Variants in RYR3 observed in about 807,000 individuals in gnomAD.
RYR3 encodes the protein brain ryanodine receptor-calcium release channel.
RYR3 carries 207 observed loss-of-function variants against 584.3 expected under a neutral mutation model. The observed-to-expected ratio is 0.35, with a 90% CI of 0.32 to 0.40. RYR3 has a LOEUF of 0.40. Among genes scored for constraint, RYR3 ranks in the 10% least tolerant of loss-of-function variants. The pLI is 1.00. For synonymous variants in RYR3, 2,416 were observed against 2,248.5 expected (o/e 1.07, Z -2.11); for missense variants, 5,616 against 6,089.2 (o/e 0.92, Z 2.59).
intron 1 of RYR3, among the ~76,000 whole-genome samples, chr15:33,367,941 C>A (rs1008008065): frequency 2.0e-5 from 3 of 152,150 alleles, no homozygotes; most frequent in Non-Finnish European, 2.9e-5. Flanking sequence ...GAATAATCCT[C>A]TGCATTAATC....
chr15:33,388,621 G>C (rs76221551), intron 1 of RYR3, among the ~76,000 whole-genome samples: 1 of 152,098 alleles, frequency 6.6e-6, no homozygotes, highest in Non-Finnish European at 1.5e-5. Flanking sequence ...ATAAAATAAA[G>C]GAAATAGAGC....
intron 38 of RYR3, among the ~76,000 whole-genome samples, chr15:33,674,351 C>T (rs1451647192): frequency 2.0e-5 from 3 of 152,210 alleles, no homozygotes; most frequent in Non-Finnish European, 4.4e-5. Context: ...TAAACACACA[C>T]ACACACAAAC....
intron 1 of RYR3, among the ~76,000 whole-genome samples, chr15:33,411,176 A>C (rs1488659558): frequency 6.6e-6 from 1 of 152,048 alleles, no homozygotes; most frequent in African/African-American, 2.4e-5. Context: ...CCCTACCTGG[A>C]TTTGTCTTGC....
intron 2 of RYR3, among the ~76,000 whole-genome samples, chr15:33,474,904 A>G (rs1307951999): frequency 1.3e-5 from 2 of 152,226 alleles, no homozygotes; most frequent in Non-Finnish European, 2.9e-5. Context: ...CTGTGGATCC[A>G]TAAGGATAGA....
At chr15:33,317,260 T>G (rs1283276616) in intron 1 of RYR3, among the ~76,000 whole-genome samples, 1 of 152,062 alleles carries the variant, frequency 6.6e-6, no homozygotes, top group Admixed American at 6.5e-5. Context: ...CCAGAGCGGG[T>G]TTTTCTCCCA....
chr15:33,761,347 C>T (rs1275426450), intron 60 of RYR3, among the ~76,000 whole-genome samples: 2 of 151,680 alleles, frequency 1.3e-5, no homozygotes, highest in Non-Finnish European at 2.9e-5. Flanking sequence ...CAAAATAGAC[C>T]ACTAGCCAGA....
intron 61 of RYR3, 25 bp from the exon 62 acceptor site, chr15:33,769,087 T>G (rs2073358109): frequency 1.9e-6 from 3 of 1,588,374 alleles, no homozygotes; most frequent in Non-Finnish European, 2.6e-6. Flanking sequence ...TTTGAGGGAA[T>G]CACAGATGAT....
intron 20 of RYR3, among the ~76,000 whole-genome samples, chr15:33,626,439 A>G (rs1461727792): frequency 6.6e-6 from 1 of 152,218 alleles, no homozygotes; most frequent in Admixed American, 6.5e-5. Flanking sequence ...AGCAGAGCGT[A>G]AAAGTTTGAA....
intron 1 of RYR3, among the ~76,000 whole-genome samples, chr15:33,391,382 A>T (rs2596197): frequency 6.6e-6 from 1 of 151,926 alleles, no homozygotes; most frequent in Admixed American, 6.6e-5. Context: ...AATCCCAGCA[A>T]TTTGGGAGGC....
chr15:33,416,938 A>C (rs2043856662), intron 1 of RYR3, among the ~76,000 whole-genome samples: 1 of 152,172 alleles, frequency 6.6e-6, no homozygotes, highest in Non-Finnish European at 1.5e-5. Context: ...ACCATTTATT[A>C]AATAGGGTGT....
At chr15:33,566,884 G>A in intron 12 of RYR3, 85 bp downstream of exon 12, 1 of 1,438,284 alleles carries the variant, frequency 7.0e-7, no homozygotes, top group South Asian at 1.2e-5. Flanking sequence ...TTGATACTGT[G>A]AATGTTTTCA....
At chr15:33,690,455 C>T (rs1192022626) in intron 38 of RYR3, among the ~76,000 whole-genome samples, 6 of 152,224 alleles carry the variant, frequency 3.9e-5, no homozygotes, top group African/African-American at 1.4e-4. Flanking sequence ...AGGTGTCTTA[C>T]TCTTCTTATA....
intron 43 of RYR3, among the ~76,000 whole-genome samples, chr15:33,719,374 T>C (rs187576329): frequency 8.4e-4 from 128 of 152,360 alleles, no homozygotes; most frequent in African/African-American, 3.0e-3. Context: ...ATTGTGGTTT[T>C]ATATCCCACC....
intron 67 of RYR3, among the ~76,000 whole-genome samples, chr15:33,791,099 C>T (rs1392046787): frequency 2.4e-4 from 37 of 152,314 alleles, no homozygotes; most frequent in Non-Finnish European, 4.4e-5. Context: ...TCTGGCAATA[C>T]AGGCAACTTG....
chr15:33,702,230 A>G (rs1009988279), intron 42 of RYR3, among the ~76,000 whole-genome samples: 20 of 152,218 alleles, frequency 1.3e-4, no homozygotes, highest in African/African-American at 4.1e-4. Flanking sequence ...AGGTCACCGT[A>G]GAGCCAAGAG....
At chr15:33,391,518 C>A (rs1389053315) in intron 1 of RYR3, among the ~76,000 whole-genome samples, 1 of 151,322 alleles carries the variant, frequency 6.6e-6, no homozygotes, top group Non-Finnish European at 1.5e-5. Flanking sequence ...CCCAGCTGTT[C>A]AGGAGGCTGA....
At chr15:33,341,318 C>T (rs1971790154) in intron 1 of RYR3, among the ~76,000 whole-genome samples, 2 of 152,106 alleles carry the variant, frequency 1.3e-5, no homozygotes, top group Admixed American at 1.3e-4. Flanking sequence ...GGATTACAGG[C>T]ATGAGCCACT....
rs745908297 is a variant in RYR3, at chr15:33,731,478, C to T, written c.7208C>T (p.Ser2403Phe). 1.9e-6 allele frequency: 3 copies of T among 1,609,188 alleles called. No individual in the cohort carries two copies. In the South Asian group the frequency reaches 3.3e-5, roughly 18 times the overall value. ...GTCCCAATCTTCTTTCTCTAGGTTTCCCTAAGCACCACAGAGGCTGCGCTT... is the reference window on the plus strand; with the variant it reads ...GTCCCAATCTTCTTTCTCTAGGTTTTCCTAAGCACCACAGAGGCTGCGCTT... ...LRASASLDTV[S>F]LSTTEAALAL... The change falls in exon 48 of 104, where the codon TCC (serine) becomes TTC (phenylalanine). Residue 2403 changes from serine to phenylalanine, a missense_variant. Around this residue, in one of 9 missense-constraint regions of RYR3, gnomAD observed 1,280 missense variants for 1,426.2 expected, o/e 0.90. Transcript: ENST00000634891.
chr15:33,611,584 C>T (rs2060188965), intron 18 of RYR3, among the ~76,000 whole-genome samples: 1 of 151,776 alleles, frequency 6.6e-6, no homozygotes, highest in Admixed American at 6.6e-5. Context: ...TGTATAACTC[C>T]ATAAAATATA....
Sources: gnomAD v4.1 joint callset for allele counts (sites outside exome capture counted in the v4.1 genomes callset) on GRCh38, gnomAD v4.1.1 for gene constraint, gnomAD v4.1.1 regional missense constraint, MANE v1.5 for transcripts, NCBI Gene and HGNC (gene_info 2026-07-23, HGNC 2026-07-21) for gene names.